The following INTS8 variants were observed in gnomAD, a reference collection of about 807,000 sequenced individuals.
The protein encoded by INTS8 is integrator complex subunit 8.
Under a neutral mutation model 138.9 loss-of-function variants are expected in INTS8, and 47 were observed. The ratio of observed to expected loss-of-function variants is 0.34; its 90% CI spans 0.27 to 0.43. INTS8 has a LOEUF of 0.43. Ranked by LOEUF, INTS8 falls within the 20% of genes least tolerant of loss-of-function variation. INTS8 has a pLI of 1.00. For synonymous variants in INTS8, 392 were observed against 400.9 expected, an observed-to-expected ratio of 0.98 and a Z score of 0.27; for missense variants, 996 against 1,173.0, an observed-to-expected ratio of 0.85 and a Z score of 2.20.
chr8:94,868,666 TTC>T (rs1436247009), intron 20 of INTS8: 6 of 149,700 alleles, frequency 4.0e-5, no homozygotes, highest in African/African-American at 1.5e-4. Context: ...TTCTTTTCTT[TTC>T]TCTTTTCTTT....
In INTS8 at chr8:94,823,498, T is replaced by C; in HGVS notation, c.67T>C (p.Cys23Arg). 1.9e-6 allele frequency: 3 copies of C among 1,561,366 alleles called. No individual in the cohort carries two copies. The highest frequency in any genetic ancestry group is 2.6e-6 in the Non-Finnish European group (3 of 1,153,292). Residue 23 changes from cysteine (C) to arginine (R), a missense_variant, in exon 1 of 27, where the codon TGC becomes CGC. Coordinates refer to ENST00000523731, the MANE Select transcript of INTS8 (RefSeq NM_017864.4). The stretch of plus-strand genomic sequence containing the variant: ...CCGGCCCTGCACCCCGCCGCAGACC[T>C]GCTGGTTTGAGTTTCTGCTGGAGGA... ...SSRPCTPPQT[C>R]WFEFLLEESL...
At chr8:94,864,256 C>T (rs1176332745) in intron 16 of INTS8, among the ~76,000 whole-genome samples, 1 of 151,924 alleles carries the variant, frequency 6.6e-6, no homozygotes, top group Non-Finnish European at 1.5e-5. Context: ...ACAATCTTGC[C>T]ACCTCCTTAA....
At chr8:94,832,948 C>T (rs1004754683) in intron 6 of INTS8, among the ~76,000 whole-genome samples, 2 of 151,968 alleles carry the variant, frequency 1.3e-5, no homozygotes, top group African/African-American at 4.8e-5. Flanking sequence ...GCCACCGCGC[C>T]CGGCCGTTGT....
rs752815684 is a variant in INTS8 at position 94,841,455 on chromosome 8, T to A, written c.1018-36T>A. On this transcript the variant is annotated intron_variant, in intron 8 of 26. Transcript: ENST00000523731. ...TAAAGTAAAAAAACTTTACCATGAT[T>A]TTTGAAATGGGTGCAACTTTATGTG... 7 of 1,067,850 alleles carry A rather than the reference T, an allele frequency of 6.6e-6. No individual in the cohort carries two copies. In the East Asian group the frequency reaches 1.3e-4, roughly 19 times the overall value. 66.1% of individuals were successfully genotyped at this position (1,067,850 alleles called of 1,614,324 possible). A position where few individuals can be genotyped will look rare whatever the true frequency, so the allele number is the denominator to read the frequency against.
chr8:94,860,599 A>G (rs111699126), intron 16 of INTS8, among the ~76,000 whole-genome samples: 2 of 150,506 alleles, frequency 1.3e-5, no homozygotes, highest in African/African-American at 2.4e-5. Flanking sequence ...AAAAAAAAAA[A>G]AAAAACCCAA....
intron 13 of INTS8, 116 bp from the exon 14 acceptor site, chr8:94,853,689 A>G (rs995601458): frequency 1.7e-6 from 1 of 592,922 alleles, no homozygotes; most frequent in Non-Finnish European, 3.0e-6. Context: ...TTTCTCTTTA[A>G]GAGACGACCC....
intron 18 of INTS8, 26 bp downstream of exon 18, chr8:94,866,217 A>C: frequency 1.7e-6 from 2 of 1,182,492 alleles, no homozygotes; most frequent in Non-Finnish European, 1.2e-6. Flanking sequence ...AATTGCTCTA[A>C]TTACTATTGC....
In INTS8 at chr8:94,867,377, T is replaced by C. The variant is rs749972201; in HGVS notation, c.2414+40T>C. The C allele has an allele frequency of 3.3e-6, 5 of 1,497,982 alleles. No individual in the cohort carries two copies. In the South Asian group the frequency reaches 4.7e-5, roughly 14 times the overall value. 92.8% of individuals were successfully genotyped at this position (1,497,982 alleles called of 1,614,324 possible). The stretch of plus-strand genomic sequence containing the variant: ...AGCTTTTATTTTATTAATTGAGTTA[T>C]GTATTTGGAAACCATTCTGACTAGT... On this transcript the variant is annotated intron_variant, in intron 20 of 26. Transcript: ENST00000523731.
At chr8:94,834,645 G>A (rs1015072992) in intron 6 of INTS8, among the ~76,000 whole-genome samples, 1 of 151,356 alleles carries the variant, frequency 6.6e-6, no homozygotes, top group Admixed American at 6.6e-5. Context: ...GGAGATTGCA[G>A]TGAGCCGAGA....
chr8:94,844,114 C>T (rs1815242454), intron 10 of INTS8, among the ~76,000 whole-genome samples: 1 of 151,738 alleles, frequency 6.6e-6, no homozygotes, highest in African/African-American at 2.4e-5. Context: ...TCTCGGCTCA[C>T]TGCAACCTCC....
At chr8:94,863,177 C>A (rs371544081) in intron 16 of INTS8, among the ~76,000 whole-genome samples, 2 of 152,158 alleles carry the variant, frequency 1.3e-5, no homozygotes, top group Admixed American at 6.5e-5. Flanking sequence ...GGTTGGCAGC[C>A]ACAGTGGTGC....
At chr8:94,835,707 C>A (rs947419654) in intron 6 of INTS8, among the ~76,000 whole-genome samples, 3 of 152,056 alleles carry the variant, frequency 2.0e-5, no homozygotes, top group Admixed American at 2.0e-4. Context: ...TCAAGCGATT[C>A]TCCTGCCCCA....
At chr8:94,862,586 A>G (rs1396594746) in intron 16 of INTS8, among the ~76,000 whole-genome samples, 1 of 152,204 alleles carries the variant, frequency 6.6e-6, no homozygotes, top group Non-Finnish European at 1.5e-5. Flanking sequence ...AGGCTGTCTC[A>G]CTGCTTCCTG....
At position 94,880,205 on chromosome 8, in the gene INTS8, C is replaced by T. The variant is rs2131089207; in HGVS notation, c.2959C>T (p.Leu987Phe). ...LAAQRRKKKF[L>F]QAMAKLYF The stretch of plus-strand genomic sequence containing the variant: ...AGCGCAGAGAAGGAAAAAAAAGTTT[C>T]TCCAAGCAATGGCAAAACTTTACTT... Residue 987 changes from leucine (L) to phenylalanine (F), a missense_variant, in exon 27 of 27, where the codon CTC (leucine) becomes TTC (phenylalanine). Leu to Phe is a conservative substitution (Grantham distance 22). Transcript: ENST00000523731. 1 of 1,606,810 alleles carries T rather than the reference C, an allele frequency of 6.2e-7. No individual in the cohort carries two copies. The highest frequency in any genetic ancestry group is 8.5e-7 in the Non-Finnish European group (1 of 1,177,482).
chr8:94,834,119 A>G (rs1349456193), intron 6 of INTS8, among the ~76,000 whole-genome samples: 2 of 152,204 alleles, frequency 1.3e-5, no homozygotes, highest in Non-Finnish European at 2.9e-5. Flanking sequence ...ACTTAAAAAG[A>G]AAAATTGTTA....
intron 10 of INTS8, among the ~76,000 whole-genome samples, chr8:94,845,799 T>C (rs1170407888): frequency 6.6e-6 from 1 of 152,200 alleles, no homozygotes; most frequent in Non-Finnish European, 1.5e-5. Flanking sequence ...AGACTCAGAT[T>C]GTCAAGTTCC....
At chr8:94,862,577 G>A (rs1486226700) in intron 16 of INTS8, among the ~76,000 whole-genome samples, 1 of 152,188 alleles carries the variant, frequency 6.6e-6, no homozygotes, top group Non-Finnish European at 1.5e-5. Context: ...CTCTGGGAGA[G>A]GCTGTCTCAC....
intron 16 of INTS8, among the ~76,000 whole-genome samples, chr8:94,863,394 G>A (rs997806180): frequency 1.1e-4 from 17 of 152,212 alleles, no homozygotes; most frequent in African/African-American, 3.6e-4. Context: ...CCAGCTTTGC[G>A]TGTTTGTGTG....
rs747578829 is a variant in INTS8 at position 94,867,187 on chromosome 8, C to G, written c.2343C>G (p.His781Gln). ...TTTTATCACTCTTTGTGAAACTTCACAATGTTCGGGTAAGTATTTCATAAT... is the reference window on the plus strand; with the variant it reads ...TTTTATCACTCTTTGTGAAACTTCAGAATGTTCGGGTAAGTATTTCATAAT... ...TIILSLFVKL[H>Q]NVREDIVNDI... The change falls in exon 19 of 27, where the codon CAC becomes CAG. Residue 781 changes from histidine (H) to glutamine (Q), a missense_variant. Coordinates refer to ENST00000523731, the MANE Select transcript of INTS8 (RefSeq NM_017864.4). 5 of 1,609,774 alleles carry G rather than the reference C, an allele frequency of 3.1e-6. No individual in the cohort carries two copies. Among genetic ancestry groups the G allele is most frequent in the Non-Finnish European group, 4.2e-6 (5 of 1,177,646 alleles).
Sources: allele counts gnomAD v4.1 joint callset (sites outside exome capture counted in the v4.1 genomes callset), GRCh38; gene constraint gnomAD v4.1.1; transcripts MANE v1.5; gene names NCBI Gene and HGNC (gene_info 2026-07-23, HGNC 2026-07-21).